The following SORCS2 variants were observed in gnomAD, a reference collection of about 807,000 sequenced individuals.
The protein encoded by SORCS2 is VPS10 domain-containing receptor SorCS2.
In SORCS2, 100 loss-of-function variants were observed where a neutral mutation model predicts 141.6. That is an observed-to-expected ratio of 0.71 (90% CI 0.60 to 0.83). SORCS2 has a LOEUF of 0.83. Ranked by LOEUF, SORCS2 falls within the 40% of genes least tolerant of loss-of-function variation. SORCS2 has a pLI of 0.00. For missense variants in SORCS2, 1,646 were observed against 1,560.2 expected (o/e 1.05, Z -0.93); for synonymous variants, 789 against 676.9 (o/e 1.17, Z -2.57).
intron 1 of SORCS2, among the ~76,000 whole-genome samples, chr4:7,344,992 C>T (rs11721852): frequency 0.048 from 7,256 of 152,068 alleles, 277 homozygotes; most frequent in East Asian, 0.15. Context: ...TCGCAGATGA[C>T]CCCTGGGGAG....
chr4:7,539,857 G>A (rs1712450066), intron 3 of SORCS2, among the ~76,000 whole-genome samples: 1 of 139,248 alleles, frequency 7.2e-6, no homozygotes, highest in Non-Finnish European at 1.5e-5. Context: ...CCCCATTCCT[G>A]CTGTGGAAGC....
At chr4:7,395,367 C>G (rs977838897) in intron 1 of SORCS2, among the ~76,000 whole-genome samples, 2 of 152,328 alleles carry the variant, frequency 1.3e-5, no homozygotes, top group African/African-American at 2.4e-5. Context: ...CAAAGCTGTT[C>G]CCATCTTACC....
At chr4:7,610,846 G>A (rs566437311) in intron 3 of SORCS2, among the ~76,000 whole-genome samples, 31 of 152,316 alleles carry the variant, frequency 2.0e-4, no homozygotes, top group African/African-American at 3.8e-4. Flanking sequence ...TCCTGTGGAC[G>A]GGGATGGGGA....
At chr4:7,626,535 C>A (rs1277058470) in intron 3 of SORCS2, among the ~76,000 whole-genome samples, 2 of 152,222 alleles carry the variant, frequency 1.3e-5, no homozygotes, top group South Asian at 4.1e-4. Flanking sequence ...GCCTCTGTCT[C>A]TATAGATTCA....
chr4:7,259,857 G>A (rs1035196485), intron 1 of SORCS2, among the ~76,000 whole-genome samples: 3 of 152,250 alleles, frequency 2.0e-5, no homozygotes, highest in Non-Finnish European at 2.9e-5. Flanking sequence ...TGGAGGACTG[G>A]AGATTTGCTC....
chr4:7,585,052 C>T (rs1447423501), intron 3 of SORCS2, among the ~76,000 whole-genome samples: 1 of 152,182 alleles, frequency 6.6e-6, no homozygotes, highest in Non-Finnish European at 1.5e-5. Flanking sequence ...TTCTGTCTGA[C>T]ATGTCAGAGT....
At chr4:7,260,373 C>T (rs557653260) in intron 1 of SORCS2, among the ~76,000 whole-genome samples, 1 of 152,252 alleles carries the variant, frequency 6.6e-6, no homozygotes, top group East Asian at 1.9e-4. Flanking sequence ...GCCTCCAAGC[C>T]TCCTCCCACC....
At chr4:7,491,696 T>C (rs1731324497) in intron 2 of SORCS2, among the ~76,000 whole-genome samples, 1 of 152,216 alleles carries the variant, frequency 6.6e-6, no homozygotes, top group South Asian at 2.1e-4. Context: ...GTATTAAGTC[T>C]GCGTGACCCA....
intron 3 of SORCS2, among the ~76,000 whole-genome samples, chr4:7,588,255 G>A (rs1378322291): frequency 3.9e-5 from 6 of 152,166 alleles, no homozygotes; most frequent in East Asian, 1.9e-4. Flanking sequence ...AGCCGGCTTC[G>A]GGCTGTGAAA....
chr4:7,572,370 T>A (rs1715461382), intron 3 of SORCS2, among the ~76,000 whole-genome samples: 1 of 152,220 alleles, frequency 6.6e-6, no homozygotes, highest in Admixed American at 6.5e-5. Flanking sequence ...TTTTTTTAAA[T>A]GAGCTCAAGA....
intron 1 of SORCS2, among the ~76,000 whole-genome samples, chr4:7,376,763 G>C (rs1012209399): frequency 2.0e-5 from 3 of 152,066 alleles, no homozygotes; most frequent in Admixed American, 6.6e-5. Flanking sequence ...AGAAGGGATC[G>C]TGACCAACAC....
At chr4:7,235,851 G>A (rs192304287) in intron 1 of SORCS2, among the ~76,000 whole-genome samples, 76 of 152,276 alleles carry the variant, frequency 5.0e-4, no homozygotes, top group African/African-American at 1.4e-3. Flanking sequence ...GCAGCTTATC[G>A]TGGCAGGCGA....
At chr4:7,335,958 C>T (rs1560201387) in intron 1 of SORCS2, among the ~76,000 whole-genome samples, 1 of 151,794 alleles carries the variant, frequency 6.6e-6, no homozygotes, top group Non-Finnish European at 1.5e-5. Flanking sequence ...CTCAGCTCTG[C>T]CCCCTCCTGG....
intron 2 of SORCS2, among the ~76,000 whole-genome samples, chr4:7,481,546 C>T (rs954852511): frequency 6.6e-6 from 1 of 152,056 alleles, no homozygotes; most frequent in Admixed American, 6.6e-5. Flanking sequence ...GTCGGGGGAG[C>T]CGAGAGGGAT....
intron 3 of SORCS2, among the ~76,000 whole-genome samples, chr4:7,563,524 A>G (rs1300855887): frequency 6.6e-6 from 1 of 152,108 alleles, no homozygotes; most frequent in Non-Finnish European, 1.5e-5. Flanking sequence ...CCATGCCACT[A>G]GATGGTCATG....
chr4:7,279,495 T>C (rs1715720032), intron 1 of SORCS2, among the ~76,000 whole-genome samples: 1 of 152,226 alleles, frequency 6.6e-6, no homozygotes, highest in Non-Finnish European at 1.5e-5. Context: ...CAGTTCCATT[T>C]CACTGTTACT....
intron 1 of SORCS2, among the ~76,000 whole-genome samples, chr4:7,350,033 C>CA (rs1448481733): frequency 6.6e-6 from 1 of 151,960 alleles, no homozygotes; most frequent in African/African-American, 2.4e-5. Context: ...CTGGGACATT[C>CA]AAAAAAATAG....
chr4:7,278,190 G>C (rs1380177473), intron 1 of SORCS2, among the ~76,000 whole-genome samples: 1 of 152,118 alleles, frequency 6.6e-6, no homozygotes, highest in Non-Finnish European at 1.5e-5. Flanking sequence ...TTCATCAATA[G>C]CGTGTAAGTC....
At chr4:7,607,371 C>T (rs114985271) in intron 3 of SORCS2, among the ~76,000 whole-genome samples, 2,468 of 152,176 alleles carry the variant, frequency 0.016, 80 homozygotes, top group African/African-American at 0.057. Flanking sequence ...GGAGAGGGTG[C>T]GTCGGGGAAT....
Sources: gnomAD v4.1 joint callset for allele counts (sites outside exome capture counted in the v4.1 genomes callset) on GRCh38, gnomAD v4.1.1 for gene constraint, MANE v1.5 for transcripts, NCBI Gene and HGNC (gene_info 2026-07-23, HGNC 2026-07-21) for gene names.